The following ACLY variants were observed in gnomAD, a reference collection of about 807,000 sequenced individuals.
ACLY encodes ATP citrate lyase, also known as ATP-citrate synthase.
A neutral mutation model predicts 133.0 loss-of-function variants in ACLY; 41 were observed. That is an observed-to-expected ratio of 0.31 (90% CI 0.24 to 0.40). The LOEUF (loss-of-function observed/expected upper bound fraction) is 0.40, where lower values mean the gene tolerates loss of function less well. Among genes scored for constraint, ACLY ranks in the 10% least tolerant of loss-of-function variants. The probability of loss-of-function intolerance (pLI) is 1.00; values close to 1 mark genes in which losing one functional copy is unlikely to be tolerated. For missense variants in ACLY, 1,046 were observed against 1,453.8 expected (o/e 0.72, Z 4.56); for synonymous variants, 495 against 549.3 (o/e 0.90, Z 1.38).
Position 41,887,474 on chromosome 17 carries a change from C to T in ACLY, c.1875+125G>A. On this transcript the variant is annotated intron_variant, in intron 17 of 28. Coordinates refer to ENST00000352035, the MANE Select transcript of ACLY (RefSeq NM_001096.3). The stretch of plus-strand genomic sequence containing the variant: ...TAAAAATGGACAGACTGATTTTCAA[C>T]ACATACTTCCTGAATCTTCTCAACC... The T allele has an allele frequency of 5.3e-6, 4 of 757,852 alleles. No homozygotes were observed. The South Asian group carries it at 6.4e-5, about 12-fold the overall frequency. The allele number at this position is 757,852 out of a possible 1,614,324, so 46.9% of individuals were successfully genotyped here. A position where few individuals can be genotyped will look rare whatever the true frequency, so the allele number is the denominator to read the frequency against.
intron 4 of ACLY, among the ~76,000 whole-genome samples, chr17:41,910,010 T>C (rs1411987263): frequency 6.6e-6 from 1 of 152,170 alleles, no homozygotes; most frequent in African/African-American, 2.4e-5. Context: ...TCCCCTTTGT[T>C]ACCAGTCCTA....
At chr17:41,876,216 G>C (rs567803095) in intron 22 of ACLY, among the ~76,000 whole-genome samples, 1 of 151,848 alleles carries the variant, frequency 6.6e-6, no homozygotes, top group Non-Finnish European at 1.5e-5. Flanking sequence ...GTCTTCGCCC[G>C]GCAGCCACCC....
Position 41,893,069 on chromosome 17 carries a change from T to C in ACLY, c.1565A>G (p.Asp522Gly), listed in dbSNP as rs375851714. Residue 522 changes from aspartate to glycine, a missense_variant, in exon 15 of 29, where the codon GAC becomes GGC. Transcript: ENST00000352035. The part of the protein sequence containing the change: ...MLDFDYVCSR[D>G]EPSVAAMVYP... ...GACCATGGCAGCCACTGAGGGCTCGTCTCGGGAGCAGACATAGTCAAAGTC... is the reference window on the plus strand; with the variant it reads ...GACCATGGCAGCCACTGAGGGCTCGCCTCGGGAGCAGACATAGTCAAAGTC... The C allele has an allele frequency of 1.9e-6, 3 of 1,614,004 alleles. No homozygotes were observed. The highest frequency in any genetic ancestry group is 2.5e-6 in the Non-Finnish European group (3 of 1,179,966).
upstream of ACLY, chr17:41,930,545 T>C (rs536621415): frequency 1.2e-5 from 7 of 565,316 alleles, no homozygotes; most frequent in East Asian, 1.5e-4. Context: ...GCGGCAGAAC[T>C]GGCGCAAGCG....
intron 19 of ACLY, 78 bp downstream of exon 19, chr17:41,884,115 A>G: frequency 2.2e-6 from 2 of 899,844 alleles, no homozygotes; most frequent in East Asian, 4.9e-5. Context: ...CATGTAACCA[A>G]AATGTTTTAA....
chr17:41,925,437 A>G (rs1298862737), intron 1 of ACLY, among the ~76,000 whole-genome samples: 2 of 140,016 alleles, frequency 1.4e-5, no homozygotes, highest in South Asian at 2.2e-4. Context: ...TCTCTACCAA[A>G]AAAAAAAAAA....
intron 20 of ACLY, among the ~76,000 whole-genome samples, chr17:41,882,475 T>TTTCATCATCA (rs1435655843): frequency 4.7e-5 from 7 of 150,468 alleles, no homozygotes; most frequent in African/African-American, 1.7e-4. Context: ...TTTCCTTCAA[T>TTTCATCATCA]TTCATCATCA....
Position 41,912,473 on chromosome 17 carries a change from T to A in ACLY, c.229A>T (p.Thr77Ser), listed in dbSNP as rs1783995090. Residue 77 changes from threonine to serine, a missense_variant, in exon 3 of 29, where the codon ACT (threonine) becomes TCT (serine). Coordinates refer to ENST00000352035, the MANE Select transcript of ACLY (RefSeq NM_001096.3). The stretch of plus-strand genomic sequence containing the variant: ...AGCCAGGACTTGACCCCATCCAGAG[T>A]GAGGTTGACCCCAACGAGACCAAGT... ...GKLGLVGVNL[T>S]LDGVKSWLKP... 6.2e-7 allele frequency: 1 copy of A among 1,614,078 alleles called. No homozygotes were observed. Among genetic ancestry groups the A allele is most frequent in the Non-Finnish European group, 8.5e-7 (1 of 1,179,960 alleles).
Position 41,909,047 on chromosome 17 carries a change from G to A in ACLY, c.558C>T (p.Ser186=), listed in dbSNP as rs782357480. The change falls in exon 6 of 29, where the codon TCC becomes TCT. Residue 186 remains serine, a synonymous_variant. Transcript: ENST00000352035. ...AGTCCTCGTAGAAATTGAAGAGGCCGGAGATAAAACTGGCCAGAATTCTAG... is the reference window on the plus strand; with the variant it reads ...AGTCCTCGTAGAAATTGAAGAGGCCAGAGATAAAACTGGCCAGAATTCTAG... The part of the protein sequence containing the change: ...DKKEILASFI[S]GLFNFYEDLY... The A allele has an allele frequency of 2.1e-5, 34 of 1,612,556 alleles. No homozygotes were observed. The highest frequency in any genetic ancestry group is 8.3e-5 in the Admixed American group (5 of 59,934).
At chr17:41,868,908 C>G in intron 27 of ACLY, 123 bp from the exon 28 acceptor site, 1 of 1,340,018 alleles carries the variant, frequency 7.5e-7, no homozygotes, top group South Asian at 1.2e-5. Context: ...GCATTACAGG[C>G]AATTTTTGTT....
intron 6 of ACLY, 43 bp from the exon 7 acceptor site, chr17:41,907,615 T>G (rs1406550991): frequency 1.9e-6 from 3 of 1,602,098 alleles, no homozygotes; most frequent in African/African-American, 2.7e-5. Context: ...CGGCTCTGGG[T>G]AGAGACAACC....
At position 41,892,931 on chromosome 17, in the gene ACLY, G is replaced by A. The variant is rs1204356040; in HGVS notation, c.1601+102C>T. ...TGGGCTCAAGCAGTTCTCCCACCTCGACCTCCCAAAGCGCTAGGATTACAG... is the reference window on the plus strand; with the variant it reads ...TGGGCTCAAGCAGTTCTCCCACCTCAACCTCCCAAAGCGCTAGGATTACAG... On this transcript the variant is annotated intron_variant, in intron 15 of 28. Transcript: ENST00000352035. 7.6e-6 allele frequency: 11 copies of A among 1,441,096 alleles called. No individual in the cohort carries two copies. The Admixed American group carries it at 1.2e-4, about 16-fold the overall frequency. 89.3% of individuals were successfully genotyped at this position (1,441,096 alleles called of 1,614,324 possible).
upstream of ACLY, among the ~76,000 whole-genome samples, chr17:41,920,763 A>G (rs1457761574): frequency 3.3e-5 from 5 of 152,018 alleles, no homozygotes; most frequent in Non-Finnish European, 7.3e-5. Flanking sequence ...TCTCTACAAA[A>G]AATAAAAAGA....
chr17:41,910,339 G>A, intron 3 of ACLY, 55 bp from the exon 4 acceptor site: 1 of 1,530,696 alleles, frequency 6.5e-7, no homozygotes, highest in East Asian at 2.3e-5. Context: ...CTTGCCCCTA[G>A]GGCAGAAGGA....
At chr17:41,868,643 G>T (rs765232645) in intron 28 of ACLY, 66 bp downstream of exon 28, 1 of 1,174,222 alleles carries the variant, frequency 8.5e-7, no homozygotes, top group Non-Finnish European at 1.2e-6. Flanking sequence ...AACCCCATGA[G>T]TAAGTGGTGT....
intron 25 of ACLY, among the ~76,000 whole-genome samples, chr17:41,871,422 G>A (rs1555625017): frequency 2.0e-5 from 3 of 148,080 alleles, no homozygotes; most frequent in Admixed American, 6.8e-5. Flanking sequence ...GCACAATCTC[G>A]GCTCACCACA....
At position 41,905,622 on chromosome 17, in the gene ACLY, C is replaced by G; in HGVS notation, c.903G>C (p.Leu301=). ...TICDLGGVNE[L]ANYGEYSGAP... The stretch of plus-strand genomic sequence containing the variant: ...CGCCTGAGTACTCCCCATAGTTTGC[C>G]AGCTCGTTGACACCCCCTAGATCAC... Residue 301 remains leucine (L), a synonymous_variant, in exon 9 of 29, where the codon CTG becomes CTC. Coordinates refer to ENST00000352035, the MANE Select transcript of ACLY (RefSeq NM_001096.3). 1 of 1,614,186 alleles carries G rather than the reference C, an allele frequency of 6.2e-7. No homozygotes were observed. Among genetic ancestry groups the G allele is most frequent in the Non-Finnish European group, 8.5e-7 (1 of 1,180,036 alleles).
At chr17:41,910,339 G>C in intron 3 of ACLY, 55 bp from the exon 4 acceptor site, 3 of 1,530,696 alleles carry the variant, frequency 2.0e-6, no homozygotes, top group Admixed American at 1.8e-5. Context: ...CTTGCCCCTA[G>C]GGCAGAAGGA....
chr17:41,878,749 G>A, intron 21 of ACLY, 48 bp downstream of exon 21: 1 of 1,610,946 alleles, frequency 6.2e-7, no homozygotes, highest in South Asian at 1.1e-5. Context: ...TCTCAGGAGG[G>A]ATTTGGAAAG....
Sources: allele counts gnomAD v4.1 joint callset (sites outside exome capture counted in the v4.1 genomes callset), GRCh38; gene constraint gnomAD v4.1.1; transcripts MANE v1.5; gene names NCBI Gene and HGNC (gene_info 2026-07-23, HGNC 2026-07-21).